Variants in SMAD6 observed in about 807,000 individuals in gnomAD.
SMAD6 encodes the protein MAD homolog 6.
Under a neutral mutation model 39.4 loss-of-function variants are expected in SMAD6, and 103 were observed. The observed-to-expected ratio is 2.62, with a 90% CI of 2.23 to 3.08. The LOEUF is 3.08. Ranked by LOEUF, SMAD6 falls within the 30% of genes most tolerant of loss-of-function variation. The pLI, the probability that SMAD6 is intolerant of heterozygous loss-of-function variation, is 0.00. For missense variants in SMAD6, 1,104 were observed against 742.9 expected, an observed-to-expected ratio of 1.49 and a Z score of -5.65; for synonymous variants, 445 against 353.3, an observed-to-expected ratio of 1.26 and a Z score of -2.91.
chr15:66,721,216 CACTGCTTACCCACCTGCCA>C (rs1363950290), intron 3 of SMAD6, among the ~76,000 whole-genome samples: 2 of 150,158 alleles, frequency 1.3e-5, no homozygotes, highest in African/African-American at 4.8e-5. Context: ...GGTGGATCCA[CACTGCTTACCCACCTGCCA>C]CTCGGTAGCA....
chr15:66,703,932 T>TG lies in SMAD6; in HGVS notation c.675dup (p.Leu226AlafsTer77). 7.4e-7 allele frequency: 1 copy of TG among 1,356,936 alleles called. No individual in the cohort carries two copies. Among genetic ancestry groups the TG allele is most frequent in the Non-Finnish European group, 9.5e-7 (1 of 1,054,532 alleles). The allele number at this position is 1,356,936 out of a possible 1,614,324, so 84.1% of individuals were successfully genotyped here. A position where few individuals can be genotyped will look rare whatever the true frequency, so the allele number is the denominator to read the frequency against. On this transcript the variant is annotated frameshift_variant, in exon 1 of 4. Transcript: ENST00000288840. LOFTEE classifies it high-confidence loss of function. ...GGCCAGCCCGCGCCGCCGCAGCTGC[T>TG]GCTCGGCCGCCTCTTTCGCTGGCCC...
In SMAD6 at chr15:66,762,736, CTGTACCGT is replaced by C. The variant is rs1437291143; in HGVS notation, c.953-18258_953-18251del. Among the ~76,000 whole-genome samples the C allele has an allele frequency of 4.8e-4, 73 of 152,232 alleles. No individual in the cohort carries two copies. In the Middle Eastern group the frequency reaches 0.01, roughly 21 times the overall value. On this transcript the variant is annotated intron_variant, in intron 3 of 3. Coordinates refer to ENST00000288840, the MANE Select transcript of SMAD6 (RefSeq NM_005585.5). The stretch of plus-strand genomic sequence containing the variant: ...ATAGATAAAGAATCCCTTCCATCAA[CTGTACCGT>C]TGATTAAGGGTCAGCTTCAGAACCC...
intron 3 of SMAD6, among the ~76,000 whole-genome samples, chr15:66,736,765 G>A (rs963549066): frequency 6.6e-6 from 1 of 151,966 alleles, no homozygotes; most frequent in African/African-American, 2.4e-5. Context: ...CCCACCCTGG[G>A]TTCAAGTGAT....
At chr15:66,741,223 G>C (rs1893809074) in intron 3 of SMAD6, 1 of 152,270 alleles carries the variant, frequency 6.6e-6, no homozygotes, top group African/African-American at 2.4e-5. Context: ...GCAGCTCTCT[G>C]TTCAGGGCAA....
chr15:66,746,723 G>T (rs1443610174), intron 3 of SMAD6, among the ~76,000 whole-genome samples: 1 of 152,148 alleles, frequency 6.6e-6, no homozygotes, highest in Admixed American at 6.5e-5. Flanking sequence ...GTCCCTGGTG[G>T]GCACGATAAT....
intron 3 of SMAD6, among the ~76,000 whole-genome samples, chr15:66,725,191 C>T (rs1595771781): frequency 3.3e-5 from 5 of 152,200 alleles, no homozygotes; most frequent in Admixed American, 3.3e-4. Context: ...CATTTTTCCT[C>T]CATGGCCCTT....
At chr15:66,718,467 G>A (rs910974625) in intron 3 of SMAD6, among the ~76,000 whole-genome samples, 1 of 152,202 alleles carries the variant, frequency 6.6e-6, no homozygotes, top group Non-Finnish European at 1.5e-5. Flanking sequence ...TGGAAAATGT[G>A]TCCAATGCTT....
chr15:66,746,805 C>A (rs922462383), intron 3 of SMAD6, among the ~76,000 whole-genome samples: 5 of 152,092 alleles, frequency 3.3e-5, no homozygotes, highest in Non-Finnish European at 7.4e-5. Context: ...GCAGAGGGCT[C>A]GCTTCTGGAC....
At position 66,745,558 on chromosome 15, in the gene SMAD6, A is replaced by G. The variant is rs190615371; in HGVS notation, c.952+29060A>G. Among the ~76,000 whole-genome samples, 799 of 152,322 alleles carry G rather than the reference A, an allele frequency of 5.2e-3. 8 individuals are homozygous for G. The highest frequency in any genetic ancestry group is 0.018 in the African/African-American group (765 of 41,570). ...AGGAGGACACTTTTACATTGGCACA[A>G]ACACCCATCTTAGATGTTCTTTGTA... is the stretch of plus-strand genomic sequence containing the variant. On this transcript the variant is annotated intron_variant, in intron 3 of 3. Transcript: ENST00000288840.
At chr15:66,742,023 C>G (rs894257243) in intron 3 of SMAD6, among the ~76,000 whole-genome samples, 1 of 152,214 alleles carries the variant, frequency 6.6e-6, no homozygotes, top group South Asian at 2.1e-4. Flanking sequence ...CCCTGTTTCC[C>G]TGCAACTTTC....
In SMAD6 at chr15:66,771,477, C is replaced by G. The variant is rs114115666; in HGVS notation, c.953-9520C>G. 9.7e-3 allele frequency among the ~76,000 whole-genome samples: 1,471 copies of G among 152,330 alleles called. 24 individuals are homozygous for G. The highest frequency in any genetic ancestry group is 0.034 in the African/African-American group (1,427 of 41,566). ...CGCTGAGGCTGAAAGAAAGGCCTTT[C>G]TGCAGAGAAAAGCCGGCAGAAAACC... is the stretch of plus-strand genomic sequence containing the variant. On this transcript the variant is annotated intron_variant, in intron 3 of 3. Coordinates refer to ENST00000288840, the MANE Select transcript of SMAD6 (RefSeq NM_005585.5).
At chr15:66,764,292 A>G (rs752945382) in intron 3 of SMAD6, among the ~76,000 whole-genome samples, 4 of 152,164 alleles carry the variant, frequency 2.6e-5, no homozygotes, top group Non-Finnish European at 5.9e-5. Flanking sequence ...TTTGTTTATC[A>G]AAACTTTTTT....
intron 3 of SMAD6, among the ~76,000 whole-genome samples, chr15:66,767,462 C>A (rs1595796866): frequency 6.6e-6 from 1 of 152,276 alleles, no homozygotes; most frequent in East Asian, 1.9e-4. Context: ...ACCCTTCACC[C>A]CTGATCATTG....
rs189474858 is a variant in SMAD6, at chr15:66,708,571, T to C, written c.818-3097T>C. ...AATGAAATATGGTACGTCCGAAGAA[T>C]GGAATATCATTCACCCATGAAAAAG... On this transcript the variant is annotated intron_variant, in intron 1 of 3. Coordinates refer to ENST00000288840, the MANE Select transcript of SMAD6 (RefSeq NM_005585.5). 665 of 371,774 alleles carry C rather than the reference T, an allele frequency of 1.8e-3. 5 individuals carry two copies. Among genetic ancestry groups the C allele is most frequent in the Middle Eastern group, 3.4e-3 (9 of 2,648 alleles). The allele number at this position is 371,774 out of a possible 1,614,324, so 23.0% of individuals were successfully genotyped here. A position where few individuals can be genotyped will look rare whatever the true frequency, so the allele number is the denominator to read the frequency against.
At position 66,703,775 on chromosome 15, in the gene SMAD6, A is replaced by AG; in HGVS notation, c.517_518insG (p.Lys173ArgfsTer130). On this transcript the variant is annotated frameshift_variant, in exon 1 of 4. Coordinates refer to ENST00000288840, the MANE Select transcript of SMAD6 (RefSeq NM_005585.5). LOFTEE classifies it high-confidence loss of function. ...GCTGCTGCTGCTGGAGCAGGAACTC[A>AG]AAACCGTCACGTACTCGCTGCTGAA... 1 of 1,432,282 alleles carries AG rather than the reference A, an allele frequency of 7.0e-7. No homozygotes were observed. The highest frequency in any genetic ancestry group is 9.2e-7 in the Non-Finnish European group (1 of 1,081,776). The allele number at this position is 1,432,282 out of a possible 1,614,324, so 88.7% of individuals were successfully genotyped here.
At chr15:66,704,475 A>G (rs796436665) in intron 1 of SMAD6, 10 of 170,476 alleles carry the variant, frequency 5.9e-5, no homozygotes, top group African/African-American at 1.7e-4. Context: ...TAGCATTTGT[A>G]TGCACGTGCC....
intron 3 of SMAD6, among the ~76,000 whole-genome samples, chr15:66,751,031 C>G (rs1487826713): frequency 6.6e-6 from 1 of 152,224 alleles, no homozygotes; most frequent in Non-Finnish European, 1.5e-5. Context: ...ACCCCCTGCA[C>G]TGGTCTCCTA....
At chr15:66,713,457 C>T (rs1169784901) in intron 2 of SMAD6, among the ~76,000 whole-genome samples, 1 of 152,136 alleles carries the variant, frequency 6.6e-6, no homozygotes, top group Non-Finnish European at 1.5e-5. Context: ...GTAGCTGGGA[C>T]TGCAGGCACG....
At chr15:66,775,702 G>A (rs547733621) in intron 3 of SMAD6, among the ~76,000 whole-genome samples, 4 of 152,198 alleles carry the variant, frequency 2.6e-5, no homozygotes, top group African/African-American at 4.8e-5. Flanking sequence ...CGGGAGTTTC[G>A]GTCAGAGCTC....
Sources: gnomAD v4.1 joint callset for allele counts (sites outside exome capture counted in the v4.1 genomes callset) on GRCh38, gnomAD v4.1.1 for gene constraint, MANE v1.5 for transcripts, NCBI Gene and HGNC (gene_info 2026-07-23, HGNC 2026-07-21) for gene names.